The following CALCR variants were observed in gnomAD, a reference collection of about 807,000 sequenced individuals.
CALCR encodes calcitonin receptor.
A neutral mutation model predicts 59.5 loss-of-function variants in CALCR; 47 were observed. That is an observed-to-expected ratio of 0.79 (90% CI 0.63 to 1.01). The LOEUF is 1.01. Among genes scored for constraint, CALCR ranks in the 50% least tolerant of loss-of-function variants. The pLI is 0.00. For missense variants in CALCR, 566 were observed against 597.1 expected, an observed-to-expected ratio of 0.95 and a Z score of 0.54; for synonymous variants, 213 against 211.3, an observed-to-expected ratio of 1.01 and a Z score of -0.07.
chr7:93,488,582 G>GCAAAAA (rs770479251), intron 2 of CALCR, among the ~76,000 whole-genome samples: 1,130 of 77,972 alleles, frequency 0.014, 184 homozygotes, highest in African/African-American at 0.046. Flanking sequence ...CAAATGGAAA[G>GCAAAAA]AAAAAAAAAA....
intron 2 of CALCR, among the ~76,000 whole-genome samples, chr7:93,542,513 T>C (rs945979891): frequency 6.6e-6 from 1 of 152,172 alleles, no homozygotes; most frequent in African/African-American, 2.4e-5. Context: ...CTGTACACTA[T>C]GTAGACTTTA....
At chr7:93,447,594 T>G (rs1287676906) in intron 8 of CALCR, among the ~76,000 whole-genome samples, 1 of 151,916 alleles carries the variant, frequency 6.6e-6, no homozygotes. Context: ...CCAGAGCTGA[T>G]CTGTGGAAAC....
At chr7:93,495,734 C>G (rs1458090971) in intron 2 of CALCR, among the ~76,000 whole-genome samples, 1 of 151,288 alleles carries the variant, frequency 6.6e-6, no homozygotes, top group Non-Finnish European at 1.5e-5. Context: ...GGACAGGAGC[C>G]CCATCCTGCC....
At chr7:93,465,443 C>T (rs1339108536) in intron 7 of CALCR, among the ~76,000 whole-genome samples, 1 of 151,846 alleles carries the variant, frequency 6.6e-6, no homozygotes, top group Non-Finnish European at 1.5e-5. Context: ...AATCCCTTTC[C>T]ATAATATCAT....
chr7:93,445,030 T>C (rs1347269987), intron 8 of CALCR, among the ~76,000 whole-genome samples: 1 of 152,030 alleles, frequency 6.6e-6, no homozygotes, highest in African/African-American at 2.4e-5. Context: ...TCTTTCAAGG[T>C]TTATTGAACA....
At chr7:93,429,864 A>C (rs1343789855) in intron 13 of CALCR, among the ~76,000 whole-genome samples, 2 of 151,852 alleles carry the variant, frequency 1.3e-5, no homozygotes, top group East Asian at 1.9e-4. Context: ...AAAAAAAAAA[A>C]AACACTTTAA....
At chr7:93,508,108 A>G (rs1240895405) in intron 2 of CALCR, among the ~76,000 whole-genome samples, 1 of 152,242 alleles carries the variant, frequency 6.6e-6, no homozygotes. Flanking sequence ...AATCTTATGA[A>G]AACATATGCA....
At chr7:93,497,260 T>G (rs1024005250) in intron 2 of CALCR, among the ~76,000 whole-genome samples, 7 of 151,632 alleles carry the variant, frequency 4.6e-5, no homozygotes, top group Non-Finnish European at 7.4e-5. Context: ...CTGACTCAGC[T>G]ATGTATTTTT....
intron 2 of CALCR, among the ~76,000 whole-genome samples, chr7:93,508,546 G>A (rs1388376232): frequency 6.6e-6 from 1 of 152,046 alleles, no homozygotes; most frequent in Non-Finnish European, 1.5e-5. Flanking sequence ...TAGCAAATAA[G>A]CAGAGTTACA....
intron 2 of CALCR, among the ~76,000 whole-genome samples, chr7:93,535,954 C>T (rs1788973749): frequency 6.6e-6 from 1 of 151,806 alleles, no homozygotes; most frequent in South Asian, 2.1e-4. Flanking sequence ...TAGTGTTTTG[C>T]ATCCACTCAA....
At chr7:93,540,050 G>A (rs1789091078) in intron 2 of CALCR, among the ~76,000 whole-genome samples, 1 of 152,222 alleles carries the variant, frequency 6.6e-6, no homozygotes, top group South Asian at 2.1e-4. Context: ...AGAAGAAAGA[G>A]AGTAGCTGCT....
At chr7:93,427,905 C>T (rs982928523) in intron 13 of CALCR, among the ~76,000 whole-genome samples, 1 of 147,964 alleles carries the variant, frequency 6.8e-6, no homozygotes, top group African/African-American at 2.4e-5. Flanking sequence ...GCACAGCAAC[C>T]GTAAGGTTCG....
At chr7:93,533,527 C>T (rs1324398561) in intron 2 of CALCR, among the ~76,000 whole-genome samples, 3 of 151,914 alleles carry the variant, frequency 2.0e-5, no homozygotes, top group African/African-American at 4.8e-5. Context: ...AAGCACTAAA[C>T]TGCTATTGGT....
chr7:93,450,231 T>A (rs554667493), intron 8 of CALCR, among the ~76,000 whole-genome samples: 13 of 152,122 alleles, frequency 8.5e-5, no homozygotes, highest in African/African-American at 2.6e-4. Context: ...TTAGTAAAGG[T>A]GCCCTAATCC....
At chr7:93,426,624 TAGTC>T (rs1562922645) in intron 13 of CALCR, 35 bp from the exon 14 acceptor site, 4 of 1,080,404 alleles carry the variant, frequency 3.7e-6, no homozygotes, top group East Asian at 2.4e-5. Flanking sequence ...TTTTATATGA[TAGTC>T]AGAAATGATC....
intron 2 of CALCR, among the ~76,000 whole-genome samples, chr7:93,550,732 T>C (rs1245018783): frequency 6.6e-6 from 1 of 151,820 alleles, no homozygotes; most frequent in African/African-American, 2.4e-5. Flanking sequence ...TATATTCAAA[T>C]AACTAAAATG....
rs191258651 is a variant in CALCR, at chr7:93,561,549, A to T, written c.-27+12740T>A. 2.1e-3 allele frequency among the ~76,000 whole-genome samples: 317 copies of T among 152,286 alleles called. 5 individuals carry two copies. The highest frequency in any genetic ancestry group is 7.2e-3 in the African/African-American group (299 of 41,568). On this transcript the variant is annotated intron_variant, in intron 2 of 13. Coordinates refer to ENST00000426151, the MANE Select transcript of CALCR (RefSeq NM_001742.4). The stretch of plus-strand genomic sequence containing the variant: ...TTATAATTGTTAATTAAAAGAGTTT[A>T]AAAAAATACTATCATCAACTATCAC...
At chr7:93,545,693 T>A (rs1789268724) in intron 2 of CALCR, among the ~76,000 whole-genome samples, 3 of 151,824 alleles carry the variant, frequency 2.0e-5, no homozygotes, top group Admixed American at 6.6e-5. Context: ...CAGTATTAAA[T>A]TTTTTTTTAA....
intron 2 of CALCR, among the ~76,000 whole-genome samples, chr7:93,529,837 A>C (rs1345107029): frequency 6.6e-6 from 1 of 152,170 alleles, no homozygotes; most frequent in Non-Finnish European, 1.5e-5. Context: ...GGAAAATCAA[A>C]CGAATGTTAA....
Sources: allele counts gnomAD v4.1 joint callset (sites outside exome capture counted in the v4.1 genomes callset), GRCh38; gene constraint gnomAD v4.1.1; transcripts MANE v1.5; gene names NCBI Gene and HGNC (gene_info 2026-07-23, HGNC 2026-07-21).